The following ATP8B4 variants were observed in gnomAD, a reference collection of about 807,000 sequenced individuals.
ATP8B4 encodes the protein probable phospholipid-transporting ATPase IM.
Under a neutral mutation model 145.6 loss-of-function variants are expected in ATP8B4, and 133 were observed. The ratio of observed to expected loss-of-function variants is 0.91; its 90% confidence interval spans 0.79 to 1.05. The LOEUF (loss-of-function observed/expected upper bound fraction) is 1.05, where lower values mean the gene tolerates loss of function less well. ATP8B4 is among the 50% of genes least tolerant of loss of function. The probability of loss-of-function intolerance (pLI) is 0.00; values close to 1 mark genes in which losing one functional copy is unlikely to be tolerated. For missense variants in ATP8B4, 1,458 were observed against 1,425.2 expected (o/e 1.02, Z -0.37); for synonymous variants, 507 against 492.9 (o/e 1.03, Z -0.38).
At chr15:50,059,267 G>A (rs747204705) in intron 3 of ATP8B4, among the ~76,000 whole-genome samples, 19 of 152,082 alleles carry the variant, frequency 1.2e-4, no homozygotes, top group African/African-American at 2.2e-4. Flanking sequence ...AGAGCTGCAC[G>A]GTGAGAAGAT....
intron 10 of ATP8B4, 65 bp from the exon 11 acceptor site, chr15:49,981,359 A>G: frequency 1.6e-6 from 2 of 1,229,442 alleles, no homozygotes; most frequent in South Asian, 1.3e-5. Flanking sequence ...ATTAATGCTC[A>G]TATCAAATGT....
chr15:49,898,395 G>T, intron 21 of ATP8B4, 144 bp from the exon 22 acceptor site: 1 of 889,928 alleles, frequency 1.1e-6, no homozygotes, highest in Non-Finnish European at 1.6e-6. Flanking sequence ...TGTTGATTCA[G>T]AATCACACAA....
At chr15:50,147,436 AAAAAAG>A (rs1014436491) in intron 1 of ATP8B4, among the ~76,000 whole-genome samples, 2 of 151,722 alleles carry the variant, frequency 1.3e-5, no homozygotes, top group Non-Finnish European at 2.9e-5. Context: ...AAAAAAAAAA[AAAAAAG>A]TATATACTTC....
intron 15 of ATP8B4, 81 bp downstream of exon 15, chr15:49,933,936 T>C: frequency 7.2e-7 from 1 of 1,392,560 alleles, no homozygotes; most frequent in Non-Finnish European, 9.5e-7. Context: ...GCTTAATTTG[T>C]AAATCCTTCA....
intron 2 of ATP8B4, among the ~76,000 whole-genome samples, chr15:50,081,723 T>C (rs545304374): frequency 1.3e-5 from 2 of 152,214 alleles, no homozygotes; most frequent in Non-Finnish European, 2.9e-5. Flanking sequence ...AGGGAAGAGT[T>C]AGCAAGTTTC....
chr15:50,046,362 T>C (rs1296391090), intron 4 of ATP8B4, among the ~76,000 whole-genome samples: 1 of 151,670 alleles, frequency 6.6e-6, no homozygotes, highest in Non-Finnish European at 1.5e-5. Flanking sequence ...GGCCACCAAG[T>C]AGAGGGCCTA....
chr15:50,149,539 G>A (rs2044320935), intron 1 of ATP8B4, among the ~76,000 whole-genome samples: 1 of 152,196 alleles, frequency 6.6e-6, no homozygotes, highest in Non-Finnish European at 1.5e-5. Context: ...GCAGAGAGGA[G>A]CTCTTTAGAG....
At chr15:50,024,623 C>T (rs1005096428) in intron 6 of ATP8B4, among the ~76,000 whole-genome samples, 6 of 152,210 alleles carry the variant, frequency 3.9e-5, no homozygotes, top group Non-Finnish European at 7.3e-5. Context: ...GGGAAACGTC[C>T]ACTGCAAACC....
chr15:49,863,046 C>T (rs1182715030), intron 26 of ATP8B4, among the ~76,000 whole-genome samples: 2 of 152,192 alleles, frequency 1.3e-5, no homozygotes, highest in Non-Finnish European at 2.9e-5. Flanking sequence ...CAAAGCTACA[C>T]AAAAAATGTT....
In ATP8B4 at chr15:49,920,404, C is replaced by A. The variant is rs1446976526; in HGVS notation, c.1765G>T (p.Ala589Ser). The change falls in exon 18 of 28, where the codon GCA becomes TCA. Residue 589 changes from alanine (A) to serine (S), a missense_variant. Coordinates refer to ENST00000284509, the MANE Select transcript of ATP8B4 (RefSeq NM_024837.4). ...GCCAAGGTCCGAAGGCCTTCCCCTG[C>A]AAATTCCTGCCAGAGATGACATAGA... ...SLTSDHLSEF[A>S]GEGLRTLAIA... is the part of the protein sequence containing the mutation. The A allele has an allele frequency of 6.2e-7, 1 of 1,611,958 alleles. No homozygotes were observed. Among genetic ancestry groups the A allele is most frequent in the Non-Finnish European group, 8.5e-7 (1 of 1,179,186 alleles).
At chr15:50,118,061 T>C (rs866931585) in intron 1 of ATP8B4, among the ~76,000 whole-genome samples, 1 of 152,248 alleles carries the variant, frequency 6.6e-6, no homozygotes, top group South Asian at 2.1e-4. Flanking sequence ...TACAGTCAGA[T>C]AGAAGGAACA....
chr15:50,094,048 G>A (rs1817968026), intron 2 of ATP8B4, among the ~76,000 whole-genome samples: 1 of 152,136 alleles, frequency 6.6e-6, no homozygotes, highest in Non-Finnish European at 1.5e-5. Context: ...ATAAACTAAA[G>A]TATGTCTGTG....
upstream of ATP8B4, among the ~76,000 whole-genome samples, chr15:50,119,752 C>CA (rs2057245597): frequency 1.1e-5 from 1 of 91,606 alleles, no homozygotes; most frequent in Non-Finnish European, 2.0e-5. Flanking sequence ...GTTTTTGTCA[C>CA]TTTTTTTTTT....
At chr15:50,096,816 G>A (rs759174077) in intron 2 of ATP8B4, among the ~76,000 whole-genome samples, 1 of 152,154 alleles carries the variant, frequency 6.6e-6, no homozygotes, top group Non-Finnish European at 1.5e-5. Context: ...AACCAAAGAT[G>A]ATTTCCCATG....
At chr15:50,126,858 G>A (rs538042844) in intron 1 of ATP8B4, among the ~76,000 whole-genome samples, 1 of 151,424 alleles carries the variant, frequency 6.6e-6, no homozygotes, top group South Asian at 2.1e-4. Flanking sequence ...CCTGCCCACA[G>A]CCCCCACACC....
chr15:50,082,826 T>C (rs2153644293), intron 2 of ATP8B4, among the ~76,000 whole-genome samples: 1 of 152,344 alleles, frequency 6.6e-6, no homozygotes, highest in Non-Finnish European at 1.5e-5. Flanking sequence ...ATTTTATTAA[T>C]CCTCAGAACA....
chr15:50,024,937 A>T (rs1343163474), intron 6 of ATP8B4, among the ~76,000 whole-genome samples: 1 of 152,220 alleles, frequency 6.6e-6, no homozygotes, highest in Non-Finnish European at 1.5e-5. Context: ...TCTCAAGTGC[A>T]ATGATAGCCA....
intron 3 of ATP8B4, among the ~76,000 whole-genome samples, chr15:50,060,762 A>C (rs1442070916): frequency 6.6e-6 from 1 of 152,174 alleles, no homozygotes; most frequent in East Asian, 1.9e-4. Flanking sequence ...TTTTGTTAAA[A>C]TGCAGTGATA....
intron 1 of ATP8B4, among the ~76,000 whole-genome samples, chr15:50,160,489 T>C (rs998090106): frequency 1.3e-5 from 2 of 152,014 alleles, no homozygotes; most frequent in African/African-American, 4.8e-5. Context: ...TATCTGACGT[T>C]TTTCTACTTT....
Sources: allele counts gnomAD v4.1 joint callset (sites outside exome capture counted in the v4.1 genomes callset), GRCh38; gene constraint gnomAD v4.1.1; transcripts MANE v1.5; gene names NCBI Gene and HGNC (gene_info 2026-07-23, HGNC 2026-07-21).